RBM19: variants seen among roughly 807,000 people sequenced by gnomAD.
RBM19 encodes probable RNA-binding protein 19.
RBM19 carries 94 observed loss-of-function variants against 116.8 expected under a neutral mutation model. That is an observed-to-expected ratio of 0.80 (90% CI 0.68 to 0.95). The LOEUF (loss-of-function observed/expected upper bound fraction) is 0.95, where lower values mean the gene tolerates loss of function less well. Among genes scored for constraint, RBM19 ranks in the 40% least tolerant of loss-of-function variants. The pLI is 0.00. For synonymous variants in RBM19, 475 were observed against 494.1 expected (o/e 0.96, Z 0.51); for missense variants, 1,161 against 1,220.7 (o/e 0.95, Z 0.73).
chr12:113,887,374 T>C (rs1299493274), intron 21 of RBM19, among the ~76,000 whole-genome samples: 2 of 152,040 alleles, frequency 1.3e-5, no homozygotes, highest in African/African-American at 2.4e-5. Flanking sequence ...CAGTGGCTCA[T>C]GCCTGTAAAT....
At chr12:113,869,735 C>A (rs1384876735) in intron 21 of RBM19, among the ~76,000 whole-genome samples, 3 of 152,138 alleles carry the variant, frequency 2.0e-5, no homozygotes, top group Non-Finnish European at 2.9e-5. Context: ...AAAAACCCAG[C>A]CGTTTGCTTG....
intron 11 of RBM19, 23 bp downstream of exon 11, chr12:113,947,311 G>A (rs1360049438): frequency 1.9e-6 from 3 of 1,569,186 alleles, no homozygotes; most frequent in Non-Finnish European, 2.6e-6. Context: ...CAGCCTCCTG[G>A]CCAGCCCAGG....
At chr12:113,954,929 C>T (rs1270987649) in intron 7 of RBM19, among the ~76,000 whole-genome samples, 13 of 152,084 alleles carry the variant, frequency 8.5e-5, no homozygotes. Flanking sequence ...ACCAGAACCT[C>T]CTTTGTCTTG....
chr12:113,857,996 G>C (rs1456642538), intron 22 of RBM19, among the ~76,000 whole-genome samples: 1 of 152,256 alleles, frequency 6.6e-6, no homozygotes, highest in Non-Finnish European at 1.5e-5. Flanking sequence ...GAGGGGACAG[G>C]CCACCTGTGG....
chr12:113,868,998 C>T (rs1465636168), intron 21 of RBM19, among the ~76,000 whole-genome samples: 1 of 152,204 alleles, frequency 6.6e-6, no homozygotes, highest in African/African-American at 2.4e-5. Flanking sequence ...CCAGCCCACA[C>T]AATGTCGTTG....
chr12:113,911,542 A>AC (rs1476982116), intron 21 of RBM19, among the ~76,000 whole-genome samples: 1 of 152,208 alleles, frequency 6.6e-6, no homozygotes, highest in Non-Finnish European at 1.5e-5. Flanking sequence ...GTTGAACACC[A>AC]CAGTCAACAT....
chr12:113,953,333 C>G (rs954726419), intron 7 of RBM19, among the ~76,000 whole-genome samples: 1 of 152,090 alleles, frequency 6.6e-6, no homozygotes, highest in South Asian at 2.1e-4. Flanking sequence ...ACTAAAAATA[C>G]AAAAATTAGC....
chr12:113,958,187 TC>T, intron 5 of RBM19, 137 bp from the exon 6 acceptor site: 1 of 1,467,788 alleles, frequency 6.8e-7, no homozygotes, highest in Non-Finnish European at 9.0e-7. Flanking sequence ...GTGCCCAGCA[TC>T]CCCCATAAGT....
At chr12:113,854,932 G>A (rs1477217894) in intron 22 of RBM19, among the ~76,000 whole-genome samples, 1 of 152,240 alleles carries the variant, frequency 6.6e-6, no homozygotes, top group African/African-American at 2.4e-5. Flanking sequence ...AAGCCAGCGC[G>A]CTCGCGGGAG....
chr12:113,900,893 C>A (rs1428477023), intron 21 of RBM19, among the ~76,000 whole-genome samples: 1 of 152,204 alleles, frequency 6.6e-6, no homozygotes, highest in Non-Finnish European at 1.5e-5. Context: ...AAACATCCCT[C>A]CCAAACTCCT....
At chr12:113,831,390 A>G (rs1231778002) in intron 23 of RBM19, among the ~76,000 whole-genome samples, 1 of 152,074 alleles carries the variant, frequency 6.6e-6, no homozygotes, top group Non-Finnish European at 1.5e-5. Context: ...TTCAGAAATA[A>G]AACTGGCCAC....
intron 23 of RBM19, among the ~76,000 whole-genome samples, chr12:113,832,409 C>T (rs903192819): frequency 9.2e-5 from 14 of 152,124 alleles, no homozygotes; most frequent in Non-Finnish European, 1.3e-4. Context: ...AGGCTGCTCT[C>T]GAACTCCTGG....
At chr12:113,821,175 T>C (rs1874390582), downstream of RBM19, among the ~76,000 whole-genome samples, 1 of 152,156 alleles carries the variant, frequency 6.6e-6, no homozygotes, top group Non-Finnish European at 1.5e-5. Context: ...ACAGAGCCCA[T>C]GTCTGCTCAC....
chr12:113,879,431 T>A (rs1009797307), intron 21 of RBM19, among the ~76,000 whole-genome samples: 20 of 132,644 alleles, frequency 1.5e-4, no homozygotes, highest in South Asian at 5.4e-4. Flanking sequence ...TACATACATT[T>A]TATATATATA....
At chr12:113,908,027 T>C (rs1044923008) in intron 21 of RBM19, among the ~76,000 whole-genome samples, 5 of 152,116 alleles carry the variant, frequency 3.3e-5, no homozygotes, top group African/African-American at 1.2e-4. Flanking sequence ...GAGAGACACC[T>C]GGGGTCAGCC....
chr12:113,917,105 G>C (rs1882818139), intron 20 of RBM19, among the ~76,000 whole-genome samples: 1 of 152,206 alleles, frequency 6.6e-6, no homozygotes, highest in Non-Finnish European at 1.5e-5. Flanking sequence ...AACTCCCAAG[G>C]AAACACTATC....
intron 21 of RBM19, among the ~76,000 whole-genome samples, chr12:113,890,853 T>A (rs979864671): frequency 2.0e-5 from 3 of 152,208 alleles, no homozygotes; most frequent in African/African-American, 7.2e-5. Context: ...AGTGGCGCGA[T>A]CACAGCTCAC....
chr12:113,901,064 A>G (rs1160253055), intron 21 of RBM19, among the ~76,000 whole-genome samples: 2 of 152,200 alleles, frequency 1.3e-5, no homozygotes, highest in East Asian at 3.8e-4. Context: ...GGGTCTAGAA[A>G]GATCCCCAAA....
intron 21 of RBM19, among the ~76,000 whole-genome samples, chr12:113,905,139 C>T (rs7301682): frequency 6.6e-6 from 1 of 152,306 alleles, no homozygotes. Flanking sequence ...GCCCAAAGAC[C>T]TGAAGTGCTA....
Sources: gnomAD v4.1 joint callset for allele counts (sites outside exome capture counted in the v4.1 genomes callset) on GRCh38, gnomAD v4.1.1 for gene constraint, MANE v1.5 for transcripts, NCBI Gene and HGNC (gene_info 2026-07-23, HGNC 2026-07-21) for gene names.